Variants in PSTPIP2 observed in about 807,000 individuals in gnomAD.
PSTPIP2 encodes the protein proline-serine-threonine phosphatase interacting protein 2.
A neutral mutation model predicts 63.3 loss-of-function variants in PSTPIP2; 33 were observed. The observed-to-expected ratio is 0.52, with a 90% CI of 0.40 to 0.70. The LOEUF (loss-of-function observed/expected upper bound fraction) is 0.70. PSTPIP2 is among the 30% of genes least tolerant of loss of function. PSTPIP2 has a pLI of 0.00. For missense variants in PSTPIP2, 312 were observed against 400.7 expected (o/e 0.78, Z 1.89); for synonymous variants, 125 against 132.7 (o/e 0.94, Z 0.40).
Position 45,985,309 on chromosome 18 carries a change from A to G in PSTPIP2, c.*150T>C. The G allele has an allele frequency of 8.9e-7, 1 of 1,124,942 alleles. No individual in the cohort carries two copies. The highest frequency in any genetic ancestry group is 1.3e-6 in the Non-Finnish European group (1 of 781,704). 69.7% of individuals were successfully genotyped at this position (1,124,942 alleles called of 1,614,324 possible). ...CTTGCTTATGTTGTCCTAAATGTCT[A>G]CCATAAATTTTAAATCTCTAAAAAA... On this transcript the variant is annotated 3_prime_UTR_variant, in exon 15 of 15. Transcript: ENST00000409746.
intron 3 of PSTPIP2, among the ~76,000 whole-genome samples, chr18:46,018,392 G>T (rs534142876): frequency 6.6e-6 from 1 of 151,676 alleles, no homozygotes; most frequent in Admixed American, 6.6e-5. Flanking sequence ...GGTATCTTTC[G>T]TTGATATCTT....
At chr18:45,999,753 C>A (rs527640203) in intron 6 of PSTPIP2, among the ~76,000 whole-genome samples, 5 of 152,238 alleles carry the variant, frequency 3.3e-5, no homozygotes, top group Middle Eastern at 3.4e-3. Context: ...GTAATAGTGG[C>A]AACCTGATCA....
chr18:46,058,560 C>T (rs897136860), intron 1 of PSTPIP2, among the ~76,000 whole-genome samples: 8 of 151,972 alleles, frequency 5.3e-5, no homozygotes, highest in East Asian at 1.9e-4. Context: ...GGGGTTTCAC[C>T]GTGTTGGCCA....
chr18:45,998,661 A>C, intron 8 of PSTPIP2, 133 bp downstream of exon 8: 2 of 841,442 alleles, frequency 2.4e-6, no homozygotes, highest in Non-Finnish European at 1.8e-6. Flanking sequence ...CCCTTCAGAT[A>C]TCTCACTAAT....
At chr18:46,008,166 A>G (rs1163737532) in intron 5 of PSTPIP2, among the ~76,000 whole-genome samples, 2 of 152,094 alleles carry the variant, frequency 1.3e-5, no homozygotes, top group Admixed American at 6.6e-5. Context: ...AAACACAACT[A>G]TCTCTGCCAT....
At chr18:46,053,409 G>T (rs1249255120) in intron 1 of PSTPIP2, among the ~76,000 whole-genome samples, 1 of 152,156 alleles carries the variant, frequency 6.6e-6, no homozygotes, top group Admixed American at 6.5e-5. Flanking sequence ...GATTTTAGAA[G>T]CGACTTACAG....
At chr18:45,995,206 G>A (rs1465082843) in intron 9 of PSTPIP2, among the ~76,000 whole-genome samples, 1 of 151,970 alleles carries the variant, frequency 6.6e-6, no homozygotes, top group African/African-American at 2.4e-5. Context: ...CCTCAAACTC[G>A]TGGGCTCAAG....
intron 1 of PSTPIP2, among the ~76,000 whole-genome samples, chr18:46,068,939 T>C (rs1032597751): frequency 6.6e-6 from 1 of 152,048 alleles, no homozygotes; most frequent in Non-Finnish European, 1.5e-5. Context: ...AGCAGGGCAA[T>C]GAGCCAGTTC....
intron 3 of PSTPIP2, among the ~76,000 whole-genome samples, chr18:46,016,724 A>G (rs1172538521): frequency 6.6e-6 from 1 of 152,186 alleles, no homozygotes; most frequent in Non-Finnish European, 1.5e-5. Flanking sequence ...CTGTGCTTGG[A>G]GCATCACAGG....
intron 2 of PSTPIP2, among the ~76,000 whole-genome samples, chr18:46,024,997 A>T (rs1172963222): frequency 6.6e-6 from 1 of 152,194 alleles, no homozygotes; most frequent in Non-Finnish European, 1.5e-5. Context: ...CTTTTCTAAG[A>T]GTGCCCTTTA....
chr18:46,003,781 T>C (rs1379200031), intron 6 of PSTPIP2, among the ~76,000 whole-genome samples: 2 of 146,130 alleles, frequency 1.4e-5, no homozygotes, highest in East Asian at 4.1e-4. Context: ...TGAGACAGAG[T>C]TTCACTCTTG....
In PSTPIP2 at chr18:46,011,110, A is replaced by G. The variant is rs537109456; in HGVS notation, c.354+71T>C. ...GATGGTGGGAGCTGAGCTGAGGAGT[A>G]TAATGAACAAACAAGCCTGCGGTTT... On this transcript the variant is annotated intron_variant, in intron 5 of 14. Transcript: ENST00000409746. 1,801 of 1,266,124 alleles carry G rather than the reference A, an allele frequency of 1.4e-3. 1 individual carries two copies. The highest frequency in any genetic ancestry group is 1.8e-3 in the Non-Finnish European group (1,554 of 864,964). 78.4% of individuals were successfully genotyped at this position (1,266,124 alleles called of 1,614,324 possible).
intron 5 of PSTPIP2, among the ~76,000 whole-genome samples, chr18:46,005,811 T>A (rs2051718806): frequency 6.6e-6 from 1 of 152,202 alleles, no homozygotes; most frequent in African/African-American, 2.4e-5. Flanking sequence ...TTCAGTAAAA[T>A]CTGGAATCAA....
intron 3 of PSTPIP2, among the ~76,000 whole-genome samples, chr18:46,024,291 C>T (rs1907496949): frequency 6.6e-6 from 1 of 152,014 alleles, no homozygotes; most frequent in African/African-American, 2.4e-5. Flanking sequence ...GCATGGGCCA[C>T]CATGCCTGGC....
chr18:46,029,555 A>C, intron 2 of PSTPIP2: 1 of 792,854 alleles, frequency 1.3e-6, no homozygotes. Context: ...GTAAATATAA[A>C]TAATCAAGAT....
intron 1 of PSTPIP2, among the ~76,000 whole-genome samples, chr18:46,061,179 C>T (rs1908979844): frequency 6.6e-6 from 1 of 152,032 alleles, no homozygotes; most frequent in African/African-American, 2.4e-5. Flanking sequence ...TGGTGCGTGC[C>T]TGTAATCCCA....
intron 1 of PSTPIP2, among the ~76,000 whole-genome samples, chr18:46,048,081 G>A (rs555753915): frequency 6.6e-6 from 1 of 152,282 alleles, no homozygotes; most frequent in South Asian, 2.1e-4. Context: ...TCTTGGGATG[G>A]GAAATTTTCC....
At chr18:46,011,878 A>G (rs894788648) in intron 4 of PSTPIP2, among the ~76,000 whole-genome samples, 4 of 152,246 alleles carry the variant, frequency 2.6e-5, no homozygotes, top group Non-Finnish European at 5.9e-5. Flanking sequence ...AAAAAGTCTG[A>G]CAGATAAAGC....
chr18:46,023,089 G>A (rs991761697), intron 3 of PSTPIP2, among the ~76,000 whole-genome samples: 3 of 152,082 alleles, frequency 2.0e-5, no homozygotes, highest in Admixed American at 6.6e-5. Context: ...ACGTGGAGGG[G>A]AACAACACAC....
Sources: allele counts gnomAD v4.1 joint callset (sites outside exome capture counted in the v4.1 genomes callset), GRCh38; gene constraint gnomAD v4.1.1; transcripts MANE v1.5; gene names NCBI Gene and HGNC (gene_info 2026-07-23, HGNC 2026-07-21).